The following MEF2C variants were observed in gnomAD, a reference collection of about 807,000 sequenced individuals.
MEF2C encodes myocyte-specific enhancer factor 2C.
MEF2C carries 6 observed loss-of-function variants against 50.5 expected under a neutral mutation model. That is an observed-to-expected ratio of 0.12 (90% CI 0.07 to 0.23). MEF2C has a LOEUF of 0.23. Among genes scored for constraint, MEF2C ranks in the 10% least tolerant of loss-of-function variants. The pLI, the probability that MEF2C is intolerant of heterozygous loss-of-function variation, is 1.00. For missense variants in MEF2C, 276 were observed against 605.0 expected (o/e 0.46, Z 5.70); for synonymous variants, 183 against 228.0 (o/e 0.80, Z 1.78).
intron 2 of MEF2C, among the ~76,000 whole-genome samples, chr5:88,814,068 G>T (rs1328560117): frequency 1.1e-4 from 16 of 152,040 alleles, no homozygotes; most frequent in Admixed American, 1.0e-3. Context: ...AGGAGCCACA[G>T]GTCTTCCTAT....
chr5:88,724,737 A>T (rs140485095), intron 10 of MEF2C, among the ~76,000 whole-genome samples: 5 of 152,210 alleles, frequency 3.3e-5, no homozygotes, highest in African/African-American at 1.2e-4. Flanking sequence ...ATAATGGTAG[A>T]CTATTTTATC....
intron 1 of MEF2C, chr5:88,892,304 T>TA (rs760616357): frequency 3.3e-4 from 50 of 152,340 alleles, no homozygotes; most frequent in African/African-American, 9.9e-4. Flanking sequence ...GCATATGGTT[T>TA]AAATCTCCCT....
At chr5:88,726,729 A>G (rs1381428451) in intron 10 of MEF2C, among the ~76,000 whole-genome samples, 1 of 152,206 alleles carries the variant, frequency 6.6e-6, no homozygotes, top group Non-Finnish European at 1.5e-5. Flanking sequence ...CTTTCTGTCT[A>G]AGGCTGTCCC....
chr5:88,903,029 T>G (rs1413741694), intron 1 of MEF2C, among the ~76,000 whole-genome samples: 1 of 152,028 alleles, frequency 6.6e-6, no homozygotes, highest in East Asian at 1.9e-4. Context: ...TGAAGCATAG[T>G]TAAAAGAATG....
intron 1 of MEF2C, among the ~76,000 whole-genome samples, chr5:88,862,740 C>A (rs1400476688): frequency 5.9e-5 from 9 of 152,160 alleles, no homozygotes; most frequent in Non-Finnish European, 4.4e-5. Flanking sequence ...GGCCATCCTT[C>A]CTTTCAGCTG....
chr5:88,726,454 T>A (rs981778775), intron 10 of MEF2C, among the ~76,000 whole-genome samples: 1 of 152,080 alleles, frequency 6.6e-6, no homozygotes, highest in Non-Finnish European at 1.5e-5. Context: ...AGGTAGTCCA[T>A]GTGAAGGAAC....
rs555550314 is a variant in MEF2C, at chr5:88,821,703, T to A, written c.54+2032A>T. Among the ~76,000 whole-genome samples the A allele has an allele frequency of 3.5e-3, 536 of 151,512 alleles. 2 individuals are homozygous for A. The highest frequency in any genetic ancestry group is 8.6e-3 in the African/African-American group (357 of 41,364). On this transcript the variant is annotated intron_variant, in intron 2 of 10. Coordinates refer to ENST00000504921, the MANE Select transcript of MEF2C (RefSeq NM_002397.5). ...GTGTGGGAGCTAAACTTTTTTTTTT[T>A]AAAAATTGAACTCACTGAGATAGAG...
At chr5:88,787,712 A>G (rs185472030) in intron 3 of MEF2C, among the ~76,000 whole-genome samples, 14 of 152,354 alleles carry the variant, frequency 9.2e-5, no homozygotes, top group African/African-American at 2.9e-4. Context: ...CAGTTAAGGA[A>G]AACCAATCAT....
chr5:88,788,702 T>A (rs1406130770), intron 3 of MEF2C, among the ~76,000 whole-genome samples: 1 of 152,232 alleles, frequency 6.6e-6, no homozygotes, highest in Non-Finnish European at 1.5e-5. Flanking sequence ...TATATTTGTA[T>A]AGCCACATGT....
intron 5 of MEF2C, chr5:88,749,350 T>A (rs1014732790): frequency 3.0e-6 from 3 of 984,456 alleles, no homozygotes; most frequent in Non-Finnish European, 2.4e-6. Flanking sequence ...AAGTTACATT[T>A]AAAAAAATCC....
At chr5:88,725,348 A>C (rs1758209411) in intron 10 of MEF2C, among the ~76,000 whole-genome samples, 1 of 152,152 alleles carries the variant, frequency 6.6e-6, no homozygotes, top group South Asian at 2.1e-4. Context: ...TCTTAGATTC[A>C]GCTTCATTAT....
chr5:88,885,528 TGA>T (rs148284364), upstream of MEF2C, among the ~76,000 whole-genome samples: 6,402 of 152,320 alleles, frequency 0.042, 206 homozygotes, highest in Non-Finnish European at 0.06. Context: ...TTTCAAATGT[TGA>T]GTTTGCCATT....
intron 5 of MEF2C, chr5:88,751,523 A>G: frequency 1.0e-6 from 1 of 985,430 alleles, no homozygotes. Flanking sequence ...GGAAGAGGGA[A>G]AATGGCATTT....
chr5:88,758,326 T>C lies in MEF2C; in HGVS notation c.402+2859A>G, dbSNP rs1441198620. Among the ~76,000 whole-genome samples, 2 of 152,128 alleles carry C rather than the reference T, an allele frequency of 1.3e-5. 1 individual carries two copies. The highest frequency in any genetic ancestry group is 2.9e-5 in the Non-Finnish European group (2 of 68,034). ...ATTCAGCCCCTTTCCTAACTTCTGC[T>C]GGTTCCTCAGACGGAGGTGTTTTCT... On this transcript the variant is annotated intron_variant, in intron 4 of 10. Coordinates refer to ENST00000504921, the MANE Select transcript of MEF2C (RefSeq NM_002397.5).
intron 1 of MEF2C, among the ~76,000 whole-genome samples, chr5:88,858,309 C>T (rs1009982395): frequency 6.6e-6 from 1 of 152,140 alleles, no homozygotes; most frequent in Admixed American, 6.6e-5. Flanking sequence ...GTAATATTCA[C>T]CTACAATATA....
At chr5:88,773,826 A>G (rs916153693) in intron 3 of MEF2C, among the ~76,000 whole-genome samples, 4 of 152,236 alleles carry the variant, frequency 2.6e-5, no homozygotes, top group African/African-American at 9.6e-5. Context: ...CTTGGTCTCT[A>G]GTCTTACTTG....
chr5:88,847,131 A>AT (rs1208461123), intron 1 of MEF2C, among the ~76,000 whole-genome samples: 8 of 152,196 alleles, frequency 5.3e-5, no homozygotes, highest in African/African-American at 1.9e-4. Flanking sequence ...ATTTATCAAC[A>AT]TTATTCATCA....
chr5:88,834,956 T>A (rs1414940971), intron 1 of MEF2C, among the ~76,000 whole-genome samples: 2 of 151,904 alleles, frequency 1.3e-5, no homozygotes, highest in Non-Finnish European at 2.9e-5. Context: ...TTCACTGATA[T>A]TATATAATTT....
intron 2 of MEF2C, among the ~76,000 whole-genome samples, chr5:88,823,466 C>T (rs971114962): frequency 1.3e-5 from 2 of 151,886 alleles, no homozygotes; most frequent in Non-Finnish European, 2.9e-5. Flanking sequence ...TCAAGCTATT[C>T]ATGTCACACA....
Sources: allele counts gnomAD v4.1 joint callset (sites outside exome capture counted in the v4.1 genomes callset), GRCh38; gene constraint gnomAD v4.1.1; transcripts MANE v1.5; gene names NCBI Gene and HGNC (gene_info 2026-07-23, HGNC 2026-07-21).